PRELID2: variants seen among roughly 807,000 people sequenced by gnomAD.
The protein encoded by PRELID2 is PRELI domain containing 2.
A neutral mutation model predicts 28.4 loss-of-function variants in PRELID2; 25 were observed. The observed-to-expected ratio is 0.88, with a 90% confidence interval of 0.64 to 1.23. The LOEUF (loss-of-function observed/expected upper bound fraction) is 1.23. PRELID2 is among the 50% of genes most tolerant of loss of function. The pLI, the probability that PRELID2 is intolerant of heterozygous loss-of-function variation, is 0.00. For missense variants in PRELID2, 201 were observed against 214.4 expected (o/e 0.94, Z 0.39); for synonymous variants, 76 against 71.6 (o/e 1.06, Z -0.31).
At chr5:145,364,097 G>A in the PRELID2 span, among the ~76,000 whole-genome samples, 3 of 151,908 alleles carry the variant, frequency 2.0e-5, no homozygotes, top group Non-Finnish European at 4.4e-5. Flanking sequence ...CTTCATAAGA[G>A]CTACTTTTAA....
At chr5:145,785,892 G>T (rs916307040) in intron 5 of PRELID2, among the ~76,000 whole-genome samples, 5 of 152,224 alleles carry the variant, frequency 3.3e-5, no homozygotes, top group South Asian at 2.1e-4. Flanking sequence ...GAAGATTCTG[G>T]TTACCTGATG....
At chr5:145,729,742 G>C (rs1398127461) in intron 1 of PRELID2, among the ~76,000 whole-genome samples, 1 of 152,166 alleles carries the variant, frequency 6.6e-6, no homozygotes, top group East Asian at 1.9e-4. Flanking sequence ...TGGGCAGCCA[G>C]GAATGTTGGG....
At chr5:145,810,606 A>G (rs183402883) in intron 4 of PRELID2, among the ~76,000 whole-genome samples, 66 of 152,368 alleles carry the variant, frequency 4.3e-4, no homozygotes, top group African/African-American at 1.5e-3. Flanking sequence ...AAATCATTAC[A>G]AACACTGTTT....
chr5:145,393,671 G>C, the PRELID2 span, among the ~76,000 whole-genome samples: 1 of 152,188 alleles, frequency 6.6e-6, no homozygotes, highest in Non-Finnish European at 1.5e-5. Context: ...TGCTGTGATT[G>C]GCTGAGATTC....
chr5:145,585,432 C>T (rs1239440751), intron 1 of PRELID2, among the ~76,000 whole-genome samples: 1 of 151,868 alleles, frequency 6.6e-6, no homozygotes, highest in African/African-American at 2.4e-5. Context: ...CACATGTACC[C>T]CTGAACTTAA....
At chr5:145,420,974 G>A in the PRELID2 span, among the ~76,000 whole-genome samples, 1 of 135,496 alleles carries the variant, frequency 7.4e-6, no homozygotes, top group Non-Finnish European at 1.6e-5. Flanking sequence ...GGCTTTTTCT[G>A]CATCTATTGA....
intron 1 of PRELID2, among the ~76,000 whole-genome samples, chr5:145,535,109 T>A (rs1752687953): frequency 6.6e-6 from 1 of 151,936 alleles, no homozygotes; most frequent in Admixed American, 6.6e-5. Context: ...AATACAGACA[T>A]ATGTGCCTTT....
At chr5:145,823,176 A>C in intron 1 of PRELID2, 42 bp from the exon 2 acceptor site, 1 of 957,862 alleles carries the variant, frequency 1.0e-6, no homozygotes, top group Non-Finnish European at 1.7e-6. Context: ...TTAATCTTCT[A>C]CCAAGGTGAA....
At chr5:145,652,337 T>A (rs542574102) in intron 1 of PRELID2, among the ~76,000 whole-genome samples, 2 of 152,346 alleles carry the variant, frequency 1.3e-5, no homozygotes, top group East Asian at 3.9e-4. Context: ...CTGCAGGATG[T>A]TATCCAGAAC....
Position 145,756,655 on chromosome 5 carries a change from AAG to A in PRELID2, c.*3879_*3880del, listed in dbSNP as rs1757265306. ...TGAGGATAAAGAAGTAAGTTAGGGG[AAG>A]AGAGTTGAGCCACTGAAATAATGTC... On this transcript the variant is annotated 3_prime_UTR_variant, in exon 7 of 7. Coordinates refer to ENST00000683046, the MANE Select transcript of PRELID2 (RefSeq NM_205846.3). Among the ~76,000 whole-genome samples, 1 of 152,210 alleles carries A rather than the reference AAG, an allele frequency of 6.6e-6. No individual in the cohort carries two copies. Among genetic ancestry groups the A allele is most frequent in the African/African-American group, 2.4e-5 (1 of 41,464 alleles).
At chr5:145,380,950 A>T in the PRELID2 span, among the ~76,000 whole-genome samples, 1 of 152,210 alleles carries the variant, frequency 6.6e-6, no homozygotes, top group African/African-American at 2.4e-5. Flanking sequence ...AAAACTATGT[A>T]ACATAGAACA....
chr5:145,507,344 G>A lies in PRELID2; in HGVS notation n.71-34029C>T, dbSNP rs137879664. Among the ~76,000 whole-genome samples, 87 of 152,138 alleles carry A rather than the reference G, an allele frequency of 5.7e-4. No individual in the cohort carries two copies. In the East Asian group the frequency reaches 0.012, roughly 21 times the overall value. On this transcript the variant is annotated intron_variant and non_coding_transcript_variant, in intron 1 of 2. Transcript: ENST00000510259. ...TAGTATTATTATCTATAAAATGGGG[G>A]GGAAAAACTGCAGATTTGGCCATAG... is the stretch of plus-strand genomic sequence containing the variant.
At chr5:145,618,152 A>G (rs1161834989) in intron 1 of PRELID2, among the ~76,000 whole-genome samples, 2 of 152,124 alleles carry the variant, frequency 1.3e-5, no homozygotes, top group East Asian at 3.8e-4. Flanking sequence ...TGATTAGCCT[A>G]ATAACCAACC....
At chr5:145,377,437 G>C in the PRELID2 span, among the ~76,000 whole-genome samples, 1 of 151,828 alleles carries the variant, frequency 6.6e-6, no homozygotes, top group Non-Finnish European at 1.5e-5. Context: ...GAATATCTTT[G>C]TGATCTGTCT....
At chr5:145,335,991 T>A in the PRELID2 span, among the ~76,000 whole-genome samples, 1 of 152,240 alleles carries the variant, frequency 6.6e-6, no homozygotes, top group Non-Finnish European at 1.5e-5. Flanking sequence ...GGTATCTCAT[T>A]GTGGTTTTGA....
chr5:145,509,860 T>G (rs755278503), intron 1 of PRELID2, among the ~76,000 whole-genome samples: 1 of 152,178 alleles, frequency 6.6e-6, no homozygotes, highest in Admixed American at 6.5e-5. Context: ...TTTTCACTGA[T>G]AAGTTGGAGA....
chr5:145,739,719 G>A (rs1756597486), intron 1 of PRELID2, among the ~76,000 whole-genome samples: 1 of 151,990 alleles, frequency 6.6e-6, no homozygotes, highest in Admixed American at 6.6e-5. Flanking sequence ...GTAATGCAAA[G>A]GGAGGTAAGG....
At chr5:145,229,361 G>C in the PRELID2 span, 2 of 741,462 alleles carry the variant, frequency 2.7e-6, no homozygotes, top group Non-Finnish European at 5.0e-6. Flanking sequence ...GTGGAGCATC[G>C]ACAAGAACCT....
rs148535652 is a variant in PRELID2, at chr5:145,479,323, G to A, written n.71-6008C>T. Among the ~76,000 whole-genome samples the A allele has an allele frequency of 7.2e-4, 109 of 152,178 alleles. 1 individual carries two copies. The highest frequency in any genetic ancestry group is 2.6e-3 in the African/African-American group (106 of 41,536). On this transcript the variant is annotated intron_variant and non_coding_transcript_variant, in intron 1 of 2. Transcript: ENST00000510259. ...TTGGCTTCTGTGTGCATCAGGCAGC[G>A]AGCCCATTTGCTTGACAACACACAC...
Sources: gnomAD v4.1 joint callset for allele counts (sites outside exome capture counted in the v4.1 genomes callset) on GRCh38, gnomAD v4.1.1 for gene constraint, MANE v1.5 for transcripts, NCBI Gene and HGNC (gene_info 2026-07-23, HGNC 2026-07-21) for gene names.